BTD: variants seen among roughly 807,000 people sequenced by gnomAD.
BTD encodes the protein biotinidase, also known as biocytinase.
A neutral mutation model predicts 17.7 loss-of-function variants in BTD; 13 were observed. The observed-to-expected ratio is 0.74, with a 90% CI of 0.48 to 1.17. The LOEUF is 1.17. Among genes scored for constraint, BTD ranks in the 50% most tolerant of loss-of-function variants. The pLI, the probability that BTD is intolerant of heterozygous loss-of-function variation, is 0.00. For missense variants in BTD, 674 were observed against 650.4 expected (o/e 1.04, Z -0.39); for synonymous variants, 240 against 245.2 (o/e 0.98, Z 0.20).
chr3:15,703,162 A>C (rs922878011), intron 3 of BTD, among the ~76,000 whole-genome samples: 7 of 152,232 alleles, frequency 4.6e-5, no homozygotes, highest in Non-Finnish European at 7.3e-5. Flanking sequence ...AAAAAATTTA[A>C]AGATTGATTT....
chr3:15,685,492 T>C (rs2068005118), intron 3 of BTD: 1 of 1,566,810 alleles, frequency 6.4e-7, no homozygotes, highest in Non-Finnish European at 8.8e-7. Flanking sequence ...ATGCTAAACA[T>C]TACATGCCAA....
At chr3:15,629,960 G>A in intron 1 of BTD, 3 of 730,738 alleles carry the variant, frequency 4.1e-6, no homozygotes, top group Non-Finnish European at 5.0e-6. Context: ...TATATTGCAT[G>A]TAAAATGCAA....
At position 15,651,383 on chromosome 3, in the gene BTD, C is replaced by T. The variant is rs904159887; in HGVS notation, c.*5895C>T. ...GATCTTAAGAACAGAGTGATTTACACAGCTGTGGGCAGGATGTAGGGGAAC... is the reference window on the plus strand; with the variant it reads ...GATCTTAAGAACAGAGTGATTTACATAGCTGTGGGCAGGATGTAGGGGAAC... On this transcript the variant is annotated 3_prime_UTR_variant, in exon 4 of 4. Transcript: ENST00000643237. Among the ~76,000 whole-genome samples the T allele has an allele frequency of 6.6e-6, 1 of 152,218 alleles. No homozygotes were observed. The highest frequency in any genetic ancestry group is 2.1e-4 in the South Asian group (1 of 4,836).
At chr3:15,636,417 G>C (rs1349683894) in intron 2 of BTD, among the ~76,000 whole-genome samples, 1 of 152,200 alleles carries the variant, frequency 6.6e-6, no homozygotes, top group Non-Finnish European at 1.5e-5. Context: ...CCTTCAGGAA[G>C]GGTGGGGACA....
chr3:15,613,694 G>A (rs894616962), intron 1 of BTD, among the ~76,000 whole-genome samples: 1 of 152,004 alleles, frequency 6.6e-6, no homozygotes, highest in Non-Finnish European at 1.5e-5. Context: ...ATTTTCTGGG[G>A]TATAACCTTT....
chr3:15,618,791 C>T (rs183833912), intron 1 of BTD, among the ~76,000 whole-genome samples: 1 of 152,202 alleles, frequency 6.6e-6, no homozygotes, highest in Admixed American at 6.5e-5. Context: ...TCCCAAAGTG[C>T]TGGGATTACA....
rs148189292 is a variant in BTD, at chr3:15,677,155, C to T, written c.400-32905C>T. ...ATCCTAGTCCATATATTATGTACAA[C>T]ACCATACATATACCATGAATTTTCC... On this transcript the variant is annotated intron_variant, in intron 3 of 3. Transcript: ENST00000672141. The T allele has an allele frequency of 2.1e-4, 193 of 909,944 alleles. No individual in the cohort carries two copies. The African/African-American group carries it at 3.0e-3, about 14-fold the overall frequency. 56.4% of individuals were successfully genotyped at this position (909,944 alleles called of 1,614,324 possible). A position where few individuals can be genotyped will look rare whatever the true frequency, so the allele number is the denominator to read the frequency against.
intron 3 of BTD, among the ~76,000 whole-genome samples, chr3:15,660,826 T>G (rs552230833): frequency 6.6e-6 from 1 of 152,190 alleles, no homozygotes; most frequent in Admixed American, 6.5e-5. Context: ...ACTGCCCCCA[T>G]AGTTTTGCCT....
At chr3:15,708,106 A>C (rs749551054) in intron 3 of BTD, 1 of 1,560,962 alleles carries the variant, frequency 6.4e-7, no homozygotes, top group Non-Finnish European at 8.7e-7. Context: ...AAAGCCAGAG[A>C]CATAACTAGT....
At chr3:15,636,771 G>A (rs1432813356) in intron 2 of BTD, among the ~76,000 whole-genome samples, 4 of 143,458 alleles carry the variant, frequency 2.8e-5, no homozygotes, top group African/African-American at 5.2e-5. Context: ...CAAAGGCTAT[G>A]TGTATGGGGT....
rs956106851 is a variant in BTD at position 15,712,355 on chromosome 3, T to G, written c.*2281T>G. ...AATGTCTAACACTTCGGAGAGTAATTTGGTTAAAGTTTGATGGTGGGCATA... is the reference window on the plus strand; with the variant it reads ...AATGTCTAACACTTCGGAGAGTAATGTGGTTAAAGTTTGATGGTGGGCATA... On this transcript the variant is annotated 3_prime_UTR_variant, in exon 4 of 4. Transcript: ENST00000672141. 4.1e-6 allele frequency: 3 copies of G among 740,572 alleles called. No individual in the cohort carries two copies. The African/African-American group carries it at 5.3e-5, about 13-fold the overall frequency. The allele number at this position is 740,572 out of a possible 1,614,324, so 45.9% of individuals were successfully genotyped here.
At chr3:15,631,121 C>T (rs562561565) in intron 1 of BTD, among the ~76,000 whole-genome samples, 72 of 152,180 alleles carry the variant, frequency 4.7e-4, no homozygotes, top group Non-Finnish European at 9.3e-4. Flanking sequence ...AATTTAAAGA[C>T]TGTTGGAACT....
chr3:15,683,565 G>C (rs2067769939), intron 3 of BTD, among the ~76,000 whole-genome samples: 1 of 152,160 alleles, frequency 6.6e-6, no homozygotes, highest in Non-Finnish European at 1.5e-5. Flanking sequence ...CTTGTTCAAT[G>C]AGCAACAGAT....
At chr3:15,717,698 A>G (rs576520659), downstream of BTD, among the ~76,000 whole-genome samples, 15 of 152,314 alleles carry the variant, frequency 9.8e-5, no homozygotes, top group South Asian at 2.9e-3. Context: ...ACCAAAATCT[A>G]TTCTTAAAGA....
downstream of BTD, among the ~76,000 whole-genome samples, chr3:15,656,440 T>A (rs866525897): frequency 6.6e-6 from 1 of 152,186 alleles, no homozygotes; most frequent in Non-Finnish European, 1.5e-5. Context: ...CCCCAGCTCA[T>A]GCGGGAGGGA....
At chr3:15,620,836 G>C (rs1160813716) in intron 1 of BTD, among the ~76,000 whole-genome samples, 1 of 152,206 alleles carries the variant, frequency 6.6e-6, no homozygotes, top group Non-Finnish European at 1.5e-5. Context: ...TATATAGAGA[G>C]ATATACGAAA....
At position 15,649,369 on chromosome 3, in the gene BTD, C is replaced by T. The variant is rs916704707; in HGVS notation, c.*3881C>T. 6.6e-6 allele frequency among the ~76,000 whole-genome samples: 1 copy of T among 152,240 alleles called. No homozygotes were observed. Among genetic ancestry groups the T allele is most frequent in the African/African-American group, 2.4e-5 (1 of 41,466 alleles). Reference sequence around the variant, plus strand: ...CATTTGGCACCATCTTATTGAGTTACACAGGTCAGCCCTGCTCCCTATGGA... The same window carrying T: ...CATTTGGCACCATCTTATTGAGTTATACAGGTCAGCCCTGCTCCCTATGGA... On this transcript the variant is annotated 3_prime_UTR_variant, in exon 4 of 4. Coordinates refer to ENST00000643237, the MANE Select transcript of BTD (RefSeq NM_001370658.1).
chr3:15,698,126 C>T (rs923128562), intron 3 of BTD, among the ~76,000 whole-genome samples: 6 of 152,048 alleles, frequency 3.9e-5, no homozygotes, highest in Admixed American at 6.6e-5. Flanking sequence ...CTTCATTAGT[C>T]TTGCTAGCGG....
chr3:15,642,005 A>G lies in BTD; in HGVS notation c.347A>G (p.Gln116Arg), dbSNP rs935902177. 4.3e-6 allele frequency: 7 copies of G among 1,614,212 alleles called. No individual in the cohort carries two copies. Among genetic ancestry groups the G allele is most frequent in the Non-Finnish European group, 5.9e-6 (7 of 1,180,042 alleles). Residue 116 changes from glutamine to arginine, a missense_variant, in exon 3 of 4, where the codon CAG becomes CGG. Physicochemically the swap from Gln to Arg is conservative, Grantham distance 43. Coordinates refer to ENST00000643237, the MANE Select transcript of BTD (RefSeq NM_001370658.1). ...YPFLDFMPSP[Q>R]VVRWNPCLEP... ...TTTTTGGACTTCATGCCGTCTCCCC[A>G]GGTGGTCAGGTGGAACCCATGCCTG...
Sources: gnomAD v4.1 joint callset for allele counts (sites outside exome capture counted in the v4.1 genomes callset) on GRCh38, gnomAD v4.1.1 for gene constraint, MANE v1.5 for transcripts, NCBI Gene and HGNC (gene_info 2026-07-23, HGNC 2026-07-21) for gene names.